The following OXSR1 variants were observed in gnomAD, a reference collection of about 807,000 sequenced individuals.
OXSR1 encodes the protein oxidative stress responsive kinase 1.
Under a neutral mutation model 79.8 loss-of-function variants are expected in OXSR1, and 24 were observed. The ratio of observed to expected loss-of-function variants is 0.30; its 90% CI spans 0.22 to 0.42. OXSR1 has a LOEUF of 0.42. Among genes scored for constraint, OXSR1 ranks in the 10% least tolerant of loss-of-function variants. The pLI, the probability that OXSR1 is intolerant of heterozygous loss-of-function variation, is 1.00. For synonymous variants in OXSR1, 226 were observed against 209.2 expected (o/e 1.08, Z -0.69); for missense variants, 430 against 618.4 (o/e 0.70, Z 3.23).
At chr3:38,221,068 G>C (rs1346497036) in intron 5 of OXSR1, among the ~76,000 whole-genome samples, 1 of 152,170 alleles carries the variant, frequency 6.6e-6, no homozygotes, top group Non-Finnish European at 1.5e-5. Flanking sequence ...GAGTTCTTGA[G>C]AGCTCTTTGA....
At chr3:38,171,786 T>G (rs554460840) in intron 1 of OXSR1, among the ~76,000 whole-genome samples, 23 of 152,210 alleles carry the variant, frequency 1.5e-4, no homozygotes, top group Non-Finnish European at 2.6e-4. Context: ...TCATTGATCT[T>G]TCAGTATTTT....
At chr3:38,169,292 G>C (rs1369069680) in intron 1 of OXSR1, among the ~76,000 whole-genome samples, 1 of 151,310 alleles carries the variant, frequency 6.6e-6, no homozygotes, top group Non-Finnish European at 1.5e-5. Flanking sequence ...TGCCCATTGG[G>C]TTGTTTTTTT....
At chr3:38,174,719 T>A (rs569352474) in intron 1 of OXSR1, among the ~76,000 whole-genome samples, 51 of 152,296 alleles carry the variant, frequency 3.3e-4, no homozygotes, top group Non-Finnish European at 4.9e-4. Context: ...ATATAGCATA[T>A]TTTTTGAAGT....
intron 1 of OXSR1, among the ~76,000 whole-genome samples, chr3:38,180,682 C>G (rs1701768021): frequency 6.6e-6 from 1 of 151,856 alleles, no homozygotes; most frequent in South Asian, 2.1e-4. Context: ...AAGTGCACAC[C>G]ACCACGCCCA....
intron 9 of OXSR1, among the ~76,000 whole-genome samples, chr3:38,230,158 G>A (rs1702775053): frequency 6.6e-6 from 1 of 152,106 alleles, no homozygotes; most frequent in Admixed American, 6.5e-5. Flanking sequence ...TTCATACAGT[G>A]TACTACATCT....
rs1370226713 is a variant in OXSR1, at chr3:38,253,322, A to G, written c.*431A>G. ...TGGGATATCTCTTTACCACTGAAGT[A>G]GAATTGATTGTTCAGCTGGAGCCCA... On this transcript the variant is annotated 3_prime_UTR_variant, in exon 18 of 18. Coordinates refer to ENST00000311806, the MANE Select transcript of OXSR1 (RefSeq NM_005109.3). 1 of 162,758 alleles carries G rather than the reference A, an allele frequency of 6.1e-6. No homozygotes were observed. Among genetic ancestry groups the G allele is most frequent in the African/African-American group, 2.4e-5 (1 of 41,842 alleles). 10.1% of individuals were successfully genotyped at this position (162,758 alleles called of 1,614,324 possible).
At chr3:38,249,098 G>GTAGT (rs1182264718) in intron 14 of OXSR1, among the ~76,000 whole-genome samples, 1 of 152,096 alleles carries the variant, frequency 6.6e-6, no homozygotes, top group African/African-American at 2.4e-5. Flanking sequence ...TTTGAGATGG[G>GTAGT]TAGTTCTATT....
chr3:38,185,324 C>G (rs903278138), intron 2 of OXSR1, among the ~76,000 whole-genome samples: 1 of 152,200 alleles, frequency 6.6e-6, no homozygotes, highest in African/African-American at 2.4e-5. Flanking sequence ...GTGGCTTACG[C>G]CTGTAATCCC....
At chr3:38,229,044 A>C (rs1403565760) in intron 8 of OXSR1, among the ~76,000 whole-genome samples, 1 of 152,202 alleles carries the variant, frequency 6.6e-6, no homozygotes, top group Admixed American at 6.5e-5. Flanking sequence ...CTTTATTCTG[A>C]ATGATACTCT....
At chr3:38,166,789 CAAAAAAAAAAAAAA>C (rs915290107) in intron 1 of OXSR1, among the ~76,000 whole-genome samples, 1 of 63,824 alleles carries the variant, frequency 1.6e-5, no homozygotes, top group Non-Finnish European at 3.1e-5. Context: ...GACTCTGACT[CAAAAAAAAAAAAAA>C]AAAAAAAAAA....
chr3:38,211,930 A>G (rs540830152), intron 4 of OXSR1, among the ~76,000 whole-genome samples: 2 of 152,284 alleles, frequency 1.3e-5, no homozygotes, highest in Admixed American at 1.3e-4. Context: ...GTAGTGATGA[A>G]AGTTTGTTTT....
rs1703315297 is a variant in OXSR1 at position 38,254,207 on chromosome 3, G to T, written c.*1316G>T. On this transcript the variant is annotated 3_prime_UTR_variant, in exon 18 of 18. Transcript: ENST00000311806. ...TGGGCTGTGGGTCCCTGGAAAGGGG[G>T]AGAGTTGCCCTTTACAGAATCACTC... The T allele has an allele frequency of 2.5e-6, 1 of 398,788 alleles. No homozygotes were observed. Among genetic ancestry groups the T allele is most frequent in the African/African-American group, 2.1e-5 (1 of 48,622 alleles). 24.7% of individuals were successfully genotyped at this position (398,788 alleles called of 1,614,324 possible).
intron 4 of OXSR1, among the ~76,000 whole-genome samples, chr3:38,209,364 C>G (rs181844567): frequency 2.8e-4 from 42 of 152,056 alleles, no homozygotes; most frequent in Admixed American, 2.2e-3. Context: ...CCCACAGGTG[C>G]TCACTACTAT....
intron 5 of OXSR1, among the ~76,000 whole-genome samples, chr3:38,218,802 A>T (rs1395451404): frequency 6.6e-6 from 1 of 152,160 alleles, no homozygotes; most frequent in Non-Finnish European, 1.5e-5. Flanking sequence ...AGGGGCTTCT[A>T]ACTTTTTCAT....
chr3:38,216,316 C>T (rs1407622531), intron 5 of OXSR1, among the ~76,000 whole-genome samples, 165 bp downstream of exon 5: 1 of 152,102 alleles, frequency 6.6e-6, no homozygotes, highest in Non-Finnish European at 1.5e-5. Context: ...AAGATATCTT[C>T]TCATACTCAT....
chr3:38,234,063 GT>G (rs1252656284), intron 10 of OXSR1, among the ~76,000 whole-genome samples: 4 of 152,122 alleles, frequency 2.6e-5, no homozygotes, highest in African/African-American at 9.7e-5. Flanking sequence ...GAAGAATGAA[GT>G]TGGGTCTTTT....
chr3:38,206,814 T>C (rs1225620089), intron 4 of OXSR1, among the ~76,000 whole-genome samples: 1 of 152,234 alleles, frequency 6.6e-6, no homozygotes, highest in Non-Finnish European at 1.5e-5. Context: ...CAGTCTTTCT[T>C]AGCAGGCTTT....
At chr3:38,194,751 C>G (rs1702042960) in intron 3 of OXSR1, among the ~76,000 whole-genome samples, 1 of 151,962 alleles carries the variant, frequency 6.6e-6, no homozygotes, top group South Asian at 2.1e-4. Flanking sequence ...TAGAGGCTTA[C>G]TGATAAGCAA....
intron 2 of OXSR1, among the ~76,000 whole-genome samples, chr3:38,186,924 C>A (rs1701896501): frequency 6.6e-6 from 1 of 152,192 alleles, no homozygotes; most frequent in Non-Finnish European, 1.5e-5. Context: ...TACATTCCCA[C>A]CAGCAATATA....
Sources: allele counts gnomAD v4.1 joint callset (sites outside exome capture counted in the v4.1 genomes callset), GRCh38; gene constraint gnomAD v4.1.1; transcripts MANE v1.5; gene names NCBI Gene and HGNC (gene_info 2026-07-23, HGNC 2026-07-21).